Variants in CHL1 observed in about 807,000 individuals in gnomAD.
CHL1 encodes neural cell adhesion molecule L1-like protein.
A neutral mutation model predicts 141.9 loss-of-function variants in CHL1; 96 were observed. The ratio of observed to expected loss-of-function variants is 0.68; its 90% CI spans 0.57 to 0.80. The LOEUF (loss-of-function observed/expected upper bound fraction) is 0.80. CHL1 is among the 30% of genes least tolerant of loss of function. The pLI is 0.00. For synonymous variants in CHL1, 613 were observed against 502.2 expected, an observed-to-expected ratio of 1.22 and a Z score of -2.95; for missense variants, 1,820 against 1,457.2, an observed-to-expected ratio of 1.25 and a Z score of -4.05.
chr3:322,430 G>A (rs925621590), intron 3 of CHL1, among the ~76,000 whole-genome samples: 7 of 151,512 alleles, frequency 4.6e-5, no homozygotes, highest in African/African-American at 1.5e-4. Context: ...CATCCAGATG[G>A]TCTGTGAGAT....
At chr3:282,290 A>T (rs555919563) in intron 2 of CHL1, among the ~76,000 whole-genome samples, 16 of 152,306 alleles carry the variant, frequency 1.1e-4, no homozygotes, top group African/African-American at 3.4e-4. Flanking sequence ...CTTGGCTGTT[A>T]TTGTCATACA....
rs149008587 is a variant in CHL1, at chr3:375,175, C to A, written c.1752-2643C>A. Among the ~76,000 whole-genome samples, 422 of 152,218 alleles carry A rather than the reference C, an allele frequency of 2.8e-3. 2 individuals carry two copies. Among genetic ancestry groups the A allele is most frequent in the African/African-American group, 9.6e-3 (400 of 41,534 alleles). On this transcript the variant is annotated intron_variant, in intron 15 of 27. Coordinates refer to ENST00000256509, the MANE Select transcript of CHL1 (RefSeq NM_006614.4). Reference sequence around the variant, plus strand: ...TGCAGGTGGCCATAGACCATACAGGCTATAGACCATACACTATGGTTATGA... The same window carrying A: ...TGCAGGTGGCCATAGACCATACAGGATATAGACCATACACTATGGTTATGA...
At chr3:291,188 G>A (rs947303035) in intron 2 of CHL1, among the ~76,000 whole-genome samples, 8 of 151,860 alleles carry the variant, frequency 5.3e-5, no homozygotes, top group Non-Finnish European at 1.0e-4. Context: ...GAAGAGGTTG[G>A]TTAACAAAAA....
At chr3:350,396 T>C (rs981079021) in intron 10 of CHL1, among the ~76,000 whole-genome samples, 5 of 152,136 alleles carry the variant, frequency 3.3e-5, no homozygotes, top group African/African-American at 1.2e-4. Context: ...TACAATGTAG[T>C]TGACCGTATT....
chr3:308,201 C>T (rs1489973929), intron 2 of CHL1, among the ~76,000 whole-genome samples: 1 of 152,172 alleles, frequency 6.6e-6, no homozygotes, highest in African/African-American at 2.4e-5. Flanking sequence ...TATCAACCGT[C>T]TATATCTATG....
chr3:339,674 T>C (rs750626393), intron 5 of CHL1, among the ~76,000 whole-genome samples: 3 of 152,142 alleles, frequency 2.0e-5, no homozygotes, highest in Non-Finnish European at 4.4e-5. Flanking sequence ...GGTGCATCGA[T>C]AAGAGAAATG....
At chr3:201,787 T>G (rs182409111) in intron 1 of CHL1, among the ~76,000 whole-genome samples, 5 of 152,306 alleles carry the variant, frequency 3.3e-5, no homozygotes, top group African/African-American at 1.2e-4. Flanking sequence ...CTTCTAATGT[T>G]TGTTTGCATC....
At chr3:259,317 T>TGC (rs1694484968) in intron 2 of CHL1, among the ~76,000 whole-genome samples, 1 of 150,198 alleles carries the variant, frequency 6.7e-6, no homozygotes, top group Non-Finnish European at 1.5e-5. Context: ...TGTGTGTGTG[T>TGC]GCATGCGTGT....
chr3:250,787 C>T (rs1363757401), intron 2 of CHL1, among the ~76,000 whole-genome samples: 2 of 152,030 alleles, frequency 1.3e-5, no homozygotes, highest in Non-Finnish European at 2.9e-5. Context: ...CATTTTAAAC[C>T]TGTGCCATGT....
At chr3:390,929 C>G (rs748677336) in intron 21 of CHL1, 26 bp from the exon 22 acceptor site, 11 of 1,600,006 alleles carry the variant, frequency 6.9e-6, no homozygotes, top group Non-Finnish European at 9.4e-6. Context: ...AATGGATATA[C>G]TAAAAGATTT....
chr3:303,048 T>A (rs147232096), intron 2 of CHL1, among the ~76,000 whole-genome samples: 58 of 152,300 alleles, frequency 3.8e-4, no homozygotes, highest in African/African-American at 1.1e-3. Flanking sequence ...AATCAGTTGG[T>A]TGTAGCTGCG....
intron 1 of CHL1, among the ~76,000 whole-genome samples, chr3:234,581 G>T (rs1338139215): frequency 6.6e-6 from 1 of 152,106 alleles, no homozygotes; most frequent in Non-Finnish European, 1.5e-5. Context: ...GGTTTGCTTT[G>T]GGAGAGGACG....
At chr3:232,479 G>A (rs528178578) in intron 1 of CHL1, among the ~76,000 whole-genome samples, 1 of 152,068 alleles carries the variant, frequency 6.6e-6, no homozygotes, top group South Asian at 2.1e-4. Context: ...TTTTTTGAAC[G>A]TTTTACTATG....
At chr3:308,392 G>C (rs1211005479) in intron 2 of CHL1, among the ~76,000 whole-genome samples, 1 of 152,010 alleles carries the variant, frequency 6.6e-6, no homozygotes, top group East Asian at 1.9e-4. Flanking sequence ...AAAATTGTGA[G>C]CCCTTGTTTA....
intron 2 of CHL1, among the ~76,000 whole-genome samples, chr3:264,199 G>C (rs1172925858): frequency 6.6e-6 from 1 of 152,170 alleles, no homozygotes; most frequent in South Asian, 2.1e-4. Flanking sequence ...ATGAATAGGA[G>C]ATATGAATTA....
intron 1 of CHL1, among the ~76,000 whole-genome samples, chr3:215,115 C>T (rs1189795291): frequency 6.6e-6 from 1 of 152,026 alleles, no homozygotes; most frequent in South Asian, 2.1e-4. Flanking sequence ...GAAGAGATTC[C>T]CATGTTGATT....
intron 11 of CHL1, among the ~76,000 whole-genome samples, chr3:359,722 T>C (rs540418001): frequency 6.6e-6 from 1 of 152,288 alleles, no homozygotes; most frequent in East Asian, 1.9e-4. Context: ...AAGAGTTTAG[T>C]CTTCCTGGGA....
At chr3:245,592 A>G (rs9819335) in intron 2 of CHL1, among the ~76,000 whole-genome samples, 6,152 of 152,244 alleles carry the variant, frequency 0.04, 209 homozygotes, top group African/African-American at 0.089. Context: ...GGAGCACATT[A>G]TGTCACCAAG....
intron 9 of CHL1, among the ~76,000 whole-genome samples, chr3:345,377 A>G (rs1318366506): frequency 1.3e-5 from 2 of 152,166 alleles, no homozygotes; most frequent in Non-Finnish European, 2.9e-5. Context: ...AGACCATGTA[A>G]TTTAAGAGAG....
Sources: allele counts gnomAD v4.1 joint callset (sites outside exome capture counted in the v4.1 genomes callset), GRCh38; gene constraint gnomAD v4.1.1; transcripts MANE v1.5; gene names NCBI Gene and HGNC (gene_info 2026-07-23, HGNC 2026-07-21).